Variants in PTPRD observed in about 807,000 individuals in gnomAD.
The protein encoded by PTPRD is receptor-type tyrosine-protein phosphatase delta.
Under a neutral mutation model 214.5 loss-of-function variants are expected in PTPRD, and 34 were observed. The observed-to-expected ratio is 0.16, with a 90% confidence interval of 0.12 to 0.21. The LOEUF (loss-of-function observed/expected upper bound fraction) is 0.21, where lower values mean the gene tolerates loss of function less well. PTPRD is among the 10% of genes least tolerant of loss of function. PTPRD has a pLI of 1.00. For synonymous variants in PTPRD, 1,128 were observed against 845.7 expected, an observed-to-expected ratio of 1.33 and a Z score of -5.79; for missense variants, 2,545 against 2,398.7, an observed-to-expected ratio of 1.06 and a Z score of -1.27.
intron 12 of PTPRD, among the ~76,000 whole-genome samples, chr9:8,677,158 A>C (rs1024418160): frequency 6.6e-6 from 1 of 152,200 alleles, no homozygotes; most frequent in Admixed American, 6.5e-5. Context: ...GTTCCACTTA[A>C]TAATTTCTAA....
At chr9:10,462,313 T>A (rs1489857175) in intron 2 of PTPRD, among the ~76,000 whole-genome samples, 1 of 152,174 alleles carries the variant, frequency 6.6e-6, no homozygotes, top group East Asian at 1.9e-4. Flanking sequence ...TATTTGAATG[T>A]GTAGGAGTAT....
intron 6 of PTPRD, among the ~76,000 whole-genome samples, chr9:9,746,441 T>C (rs753929149): frequency 3.9e-5 from 6 of 152,142 alleles, no homozygotes; most frequent in African/African-American, 1.4e-4. Context: ...ATTAGCACAA[T>C]GAGGAACCAC....
chr9:10,029,289 T>G (rs2097000918), intron 4 of PTPRD, among the ~76,000 whole-genome samples: 1 of 152,124 alleles, frequency 6.6e-6, no homozygotes, highest in Admixed American at 6.5e-5. Context: ...GGAGCCCCCA[T>G]ACAGAGTCCC....
intron 10 of PTPRD, among the ~76,000 whole-genome samples, chr9:9,071,394 C>A (rs947999798): frequency 6.6e-6 from 1 of 152,122 alleles, no homozygotes; most frequent in African/African-American, 2.4e-5. Context: ...GTGGGCCTGA[C>A]TGAATCAGGT....
At chr9:10,536,581 G>A (rs2057847844) in intron 2 of PTPRD, among the ~76,000 whole-genome samples, 1 of 152,054 alleles carries the variant, frequency 6.6e-6, no homozygotes, top group Non-Finnish European at 1.5e-5. Flanking sequence ...AGTTAGAATG[G>A]CTCAATCAAT....
intron 9 of PTPRD, among the ~76,000 whole-genome samples, chr9:9,383,913 A>C (rs1246749365): frequency 6.6e-6 from 1 of 152,066 alleles, no homozygotes; most frequent in Non-Finnish European, 1.5e-5. Flanking sequence ...GTGTTTTTGC[A>C]ACAGTAATTC....
chr9:9,532,443 G>A (rs989475639), intron 8 of PTPRD, among the ~76,000 whole-genome samples: 1 of 152,132 alleles, frequency 6.6e-6, no homozygotes, highest in Non-Finnish European at 1.5e-5. Context: ...TTTGGAACTG[G>A]ACTTTCTGCA....
chr9:9,348,086 T>A (rs902837034), intron 9 of PTPRD, among the ~76,000 whole-genome samples: 5 of 152,096 alleles, frequency 3.3e-5, no homozygotes, highest in African/African-American at 1.2e-4. Context: ...AGCTAGAGAG[T>A]TGATTGAATA....
At chr9:8,697,706 A>T (rs900098800) in intron 12 of PTPRD, among the ~76,000 whole-genome samples, 7 of 151,992 alleles carry the variant, frequency 4.6e-5, no homozygotes, top group Non-Finnish European at 8.8e-5. Context: ...TACAGGCATG[A>T]GCCACCACGC....
At chr9:8,521,126 T>G in intron 20 of PTPRD, 151 bp downstream of exon 20, 1 of 939,536 alleles carries the variant, frequency 1.1e-6, no homozygotes, top group South Asian at 1.9e-5. Flanking sequence ...TTATGCATGT[T>G]ATATAATACC....
intron 33 of PTPRD, 56 bp downstream of exon 33, chr9:8,460,355 G>A: frequency 1.3e-6 from 2 of 1,590,768 alleles, no homozygotes. Flanking sequence ...CAATGATCAA[G>A]TCTTCAAAAA....
rs571206628 is a variant in PTPRD at position 10,527,942 on chromosome 9, T to G, written c.-600+84456A>C. On this transcript the variant is annotated intron_variant, in intron 2 of 45. Coordinates refer to ENST00000381196, the MANE Select transcript of PTPRD (RefSeq NM_002839.4). ...ATAGTTTTCTTGTTTTTATATACACTATATTCTAAATAATCCATAGTAAAT... is the reference window on the plus strand; with the variant it reads ...ATAGTTTTCTTGTTTTTATATACACGATATTCTAAATAATCCATAGTAAAT... 5.7e-4 allele frequency among the ~76,000 whole-genome samples: 87 copies of G among 152,252 alleles called. No homozygotes were observed. In the South Asian group the frequency reaches 8.5e-3, roughly 15 times the overall value.
chr9:8,373,828 GTATGTATGTATGTATGTA>G (rs1478398129), intron 39 of PTPRD, among the ~76,000 whole-genome samples: 24 of 116,316 alleles, frequency 2.1e-4, no homozygotes, highest in African/African-American at 1.2e-3. Flanking sequence ...ATGTATGTAT[GTATGTATGTATGTATGTA>G]TGTGTATGTG....
chr9:9,451,043 A>G (rs1483122975), intron 8 of PTPRD, among the ~76,000 whole-genome samples: 2 of 151,512 alleles, frequency 1.3e-5, no homozygotes, highest in African/African-American at 4.8e-5. Context: ...TAGCAAGACA[A>G]AAAAGTCCAC....
chr9:9,761,689 G>C (rs1486910547), intron 6 of PTPRD, among the ~76,000 whole-genome samples: 1 of 151,928 alleles, frequency 6.6e-6, no homozygotes, highest in African/African-American at 2.4e-5. Flanking sequence ...ATGTTTTATA[G>C]CTGCATATGA....
At position 10,422,357 on chromosome 9, in the gene PTPRD, T is replaced by C. The variant is rs527821916; in HGVS notation, c.-599-81340A>G. Among the ~76,000 whole-genome samples, 5 of 152,084 alleles carry C rather than the reference T, an allele frequency of 3.3e-5. No individual in the cohort carries two copies. The East Asian group carries it at 7.8e-4, about 24-fold the overall frequency. On this transcript the variant is annotated intron_variant, in intron 2 of 45. Transcript: ENST00000381196. ...GTTAGACCTGAAACCATAAAAACCA[T>C]ACAGGAAAACCTAGGCAATACCATT...
intron 4 of PTPRD, among the ~76,000 whole-genome samples, chr9:10,017,098 A>G (rs12349713): frequency 1.3e-5 from 2 of 152,152 alleles, no homozygotes; most frequent in Admixed American, 1.3e-4. Flanking sequence ...CAGTAATGTG[A>G]ATAAAGTTCC....
At chr9:9,587,415 C>T (rs2092169518) in intron 7 of PTPRD, among the ~76,000 whole-genome samples, 1 of 151,900 alleles carries the variant, frequency 6.6e-6, no homozygotes, top group African/African-American at 2.4e-5. Flanking sequence ...AACTACTTGC[C>T]CATGGGCATA....
intron 10 of PTPRD, among the ~76,000 whole-genome samples, chr9:9,021,562 A>C (rs1024533870): frequency 6.6e-6 from 1 of 152,114 alleles, no homozygotes; most frequent in African/African-American, 2.4e-5. Flanking sequence ...AAAAAATGTT[A>C]ACTACAGAAT....
Sources: allele counts gnomAD v4.1 joint callset (sites outside exome capture counted in the v4.1 genomes callset), GRCh38; gene constraint gnomAD v4.1.1; transcripts MANE v1.5; gene names NCBI Gene and HGNC (gene_info 2026-07-23, HGNC 2026-07-21).